Variants in IRS1 observed in about 807,000 individuals in gnomAD.
IRS1 encodes the protein insulin receptor substrate 1.
A neutral mutation model predicts 65.6 loss-of-function variants in IRS1; 34 were observed. The observed-to-expected ratio is 0.52, with a 90% confidence interval of 0.39 to 0.69. IRS1 has a LOEUF of 0.69. Ranked by LOEUF, IRS1 falls within the 30% of genes least tolerant of loss-of-function variation. The pLI is 0.00. For missense variants in IRS1, 1,641 were observed against 1,720.2 expected (o/e 0.95, Z 0.81); for synonymous variants, 699 against 683.5 (o/e 1.02, Z -0.35).
chr2:226,786,909 G>T (rs1939499664), intron 1 of IRS1, among the ~76,000 whole-genome samples: 2 of 151,848 alleles, frequency 1.3e-5, no homozygotes. Context: ...TATACTTGCA[G>T]CCAGAAGCAA....
rs1383492941 is a variant in IRS1 at position 226,734,271 on chromosome 2, G to A, written c.*2001C>T. 6.6e-6 allele frequency: 1 copy of A among 152,160 alleles called. No individual in the cohort carries two copies. The highest frequency in any genetic ancestry group is 1.5e-5 in the Non-Finnish European group (1 of 68,024). The allele number at this position is 152,160 out of a possible 1,614,324, so 9.4% of individuals were successfully genotyped here. A position where few individuals can be genotyped will look rare whatever the true frequency, so the allele number is the denominator to read the frequency against. On this transcript the variant is annotated 3_prime_UTR_variant, in exon 2 of 2. Transcript: ENST00000305123. ...AATGGGTAGTGCTCTCTACTAATAG[G>A]AAATGATGTAATTCTGCAAGTTCCT... is the stretch of plus-strand genomic sequence containing the variant.
At position 226,798,393 on chromosome 2, in the gene IRS1, G is replaced by C. The variant is rs910703300; in HGVS notation, c.346C>G (p.Arg116Gly). 1.9e-6 allele frequency: 3 copies of C among 1,613,892 alleles called. No homozygotes were observed. Among genetic ancestry groups the C allele is most frequent in the Non-Finnish European group, 1.7e-6 (2 of 1,180,016 alleles). ...WYQALLQLHNRAKGHHDGAAA... is the reference protein window; with the variant it reads ...WYQALLQLHNGAKGHHDGAAA... Reference sequence around the variant, plus strand: ...GCTCCGTCGTGGTGGCCCTTAGCACGGTTGTGCAGCTGTAGGAGAGCCTGG... The same window carrying C: ...GCTCCGTCGTGGTGGCCCTTAGCACCGTTGTGCAGCTGTAGGAGAGCCTGG... The change falls in exon 1 of 2, where the codon CGT (arginine) becomes GGT (glycine). Residue 116 changes from arginine (R) to glycine (G), a missense_variant. Arg to Gly is a moderately radical substitution (Grantham distance 125, BLOSUM62 -2). Coordinates refer to ENST00000305123, the MANE Select transcript of IRS1 (RefSeq NM_005544.3). The surrounding 1 kb of genome is among the most constrained non-coding windows in gnomAD (Gnocchi z 9.4).
At chr2:226,757,618 G>A (rs566191662) in intron 1 of IRS1, among the ~76,000 whole-genome samples, 1 of 152,220 alleles carries the variant, frequency 6.6e-6, no homozygotes, top group African/African-American at 2.4e-5. Context: ...TCTCCCTCCT[G>A]ACATCTCTCA....
chr2:226,735,581 A>G lies in IRS1; in HGVS notation c.*691T>C, dbSNP rs916788438. 6.6e-6 allele frequency: 1 copy of G among 152,580 alleles called. No individual in the cohort carries two copies. The highest frequency in any genetic ancestry group is 1.5e-5 in the Non-Finnish European group (1 of 68,030). 9.5% of individuals were successfully genotyped at this position (152,580 alleles called of 1,614,324 possible). A position where few individuals can be genotyped will look rare whatever the true frequency, so the allele number is the denominator to read the frequency against. On this transcript the variant is annotated 3_prime_UTR_variant, in exon 2 of 2. Coordinates refer to ENST00000305123, the MANE Select transcript of IRS1 (RefSeq NM_005544.3). ...TAGTATCAGCAAATATAACTATACA[A>G]TTGAGAACCATCTATGGCACTATGA...
At chr2:226,764,156 A>T (rs902451451) in intron 1 of IRS1, among the ~76,000 whole-genome samples, 1 of 151,798 alleles carries the variant, frequency 6.6e-6, no homozygotes, top group African/African-American at 2.4e-5. Context: ...CCTAAATAAT[A>T]TTTCCTTTTG....
chr2:226,795,859 G>T lies in IRS1; in HGVS notation c.2880C>A (p.Val960=), dbSNP rs141976450. The T allele has an allele frequency of 5.1e-5, 82 of 1,613,490 alleles. No individual in the cohort carries two copies. The African/African-American group carries it at 1.0e-3, about 20-fold the overall frequency. ...GTGCAGGGCCCAGTCTGCCCATCTC[G>T]ACCCCAGTGCTCTCCTGCCAGGCTG... is the stretch of plus-strand genomic sequence containing the variant. ...RRAAWQESTG[V]EMGRLGPAPP... The change falls in exon 1 of 2, where the codon GTC becomes GTA. Residue 960 remains valine (V), a synonymous_variant. Transcript: ENST00000305123.
intron 1 of IRS1, among the ~76,000 whole-genome samples, chr2:226,783,250 G>A (rs1252703259): frequency 6.6e-6 from 1 of 152,100 alleles, no homozygotes; most frequent in Non-Finnish European, 1.5e-5. Context: ...ATCTGCACTT[G>A]GCCCACAAAG....
At chr2:226,738,056 G>T (rs1354717093) in intron 1 of IRS1, among the ~76,000 whole-genome samples, 1 of 152,134 alleles carries the variant, frequency 6.6e-6, no homozygotes, top group Non-Finnish European at 1.5e-5. Context: ...GTAGCTTGAG[G>T]TAGATGGTGA....
chr2:226,752,078 C>A (rs912043984), intron 1 of IRS1, among the ~76,000 whole-genome samples: 1 of 152,132 alleles, frequency 6.6e-6, no homozygotes, highest in Non-Finnish European at 1.5e-5. Flanking sequence ...GACATGCTTG[C>A]TCCCATTTTC....
At chr2:226,775,564 G>A (rs145827072) in intron 1 of IRS1, among the ~76,000 whole-genome samples, 1,743 of 152,304 alleles carry the variant, frequency 0.011, 20 homozygotes, top group Middle Eastern at 0.031. Context: ...ATACGTATGG[G>A]TTAGTACACA....
chr2:226,758,967 G>T (rs1479156942), intron 1 of IRS1, among the ~76,000 whole-genome samples: 6 of 152,142 alleles, frequency 3.9e-5, no homozygotes, highest in Non-Finnish European at 5.9e-5. Context: ...AAATTATTTT[G>T]CCCAGTAACT....
rs1311224200 is a variant in IRS1 at position 226,799,404 on chromosome 2, G to C, written c.-666C>G. 3.2e-6 allele frequency: 4 copies of C among 1,263,382 alleles called. No homozygotes were observed. Among genetic ancestry groups the C allele is most frequent in the Middle Eastern group, 6.4e-4 (2 of 3,132 alleles). The allele number at this position is 1,263,382 out of a possible 1,614,324, so 78.3% of individuals were successfully genotyped here. ...GCTGCTGCTGCTGCCGCCGCCCGCG[G>C]GCGCGTCCTCTGCAGCCCCCATCCG... On this transcript the variant is annotated 5_prime_UTR_variant, in exon 1 of 2. Coordinates refer to ENST00000305123, the MANE Select transcript of IRS1 (RefSeq NM_005544.3). The surrounding 1 kb of genome is among the most constrained non-coding windows in gnomAD (Gnocchi z 6.1).
rs1157587164 is a variant in IRS1, at chr2:226,797,701, A to G, written c.1038T>C (p.Pro346=). 2.5e-6 allele frequency: 4 copies of G among 1,597,536 alleles called. No homozygotes were observed. In the African/African-American group the frequency reaches 5.3e-5, roughly 21 times the overall value. The change falls in exon 1 of 2, where the codon CCT becomes CCC. Residue 346 remains proline, a synonymous_variant. Transcript: ENST00000305123. This position sits in a 1 kb window ranked among gnomAD's most constrained non-coding sequence, Gnocchi z 8.1. ...MSRPASVDGS[P]VSPSTNRTHA... is the part of the protein sequence containing the mutation. ...GGGTTCTGTTGGTGCTGGGACTCAC[A>G]GGGCTGCCGTCCACCGAGGCTGGGC...
rs1389086923 is a variant in IRS1, at chr2:226,796,997, G to A, written c.1742C>T (p.Ser581Phe). ...CATTTCCAGACCCTCCTCTGGGTAG[G>A]AGCGGGTGGGCACGAAGGCGGAGTG... Reference protein sequence around the residue: ...HRHSAFVPTRSYPEEGLEMHP... With the variant: ...HRHSAFVPTRFYPEEGLEMHP... The change falls in exon 1 of 2, where the codon TCC becomes TTC. Residue 581 changes from serine to phenylalanine, a missense_variant. Physicochemically the swap from Ser to Phe is radical, Grantham distance 155. Transcript: ENST00000305123. 6 of 1,597,716 alleles carry A rather than the reference G, an allele frequency of 3.8e-6. No homozygotes were observed. Among genetic ancestry groups the A allele is most frequent in the Admixed American group, 3.4e-5 (2 of 59,424 alleles).
intron 1 of IRS1, among the ~76,000 whole-genome samples, chr2:226,768,887 G>A (rs950168997): frequency 2.6e-5 from 4 of 152,022 alleles, no homozygotes; most frequent in African/African-American, 4.8e-5. Flanking sequence ...TGCCTGCCTC[G>A]GCCTCCCAAA....
At chr2:226,769,568 G>A (rs1939124644) in intron 1 of IRS1, among the ~76,000 whole-genome samples, 1 of 152,174 alleles carries the variant, frequency 6.6e-6, no homozygotes. Context: ...TTAGGTTTCC[G>A]ACGCGTTTCA....
chr2:226,781,209 C>T (rs1939374927), intron 1 of IRS1, among the ~76,000 whole-genome samples: 2 of 152,310 alleles, frequency 1.3e-5, no homozygotes, highest in East Asian at 3.9e-4. Context: ...CATTTAAAGG[C>T]ATTGATTTTA....
At chr2:226,790,051 G>A (rs967091163) in intron 1 of IRS1, among the ~76,000 whole-genome samples, 1 of 152,136 alleles carries the variant, frequency 6.6e-6, no homozygotes, top group Non-Finnish European at 1.5e-5. Flanking sequence ...CAGCTTCTTC[G>A]GAAAGAATCC....
Position 226,796,938 on chromosome 2 carries a change from G to A in IRS1, c.1801C>T (p.Pro601Ser). ...PLERRGGHHRPDSSTLHTDDG... is the reference protein window; with the variant it reads ...PLERRGGHHRSDSSTLHTDDG... ...TCCGTGTGGAGGGTGGAGCTGTCTGGGCGGTGGTGCCCCCCCCGACGCTCC... is the reference window on the plus strand; with the variant it reads ...TCCGTGTGGAGGGTGGAGCTGTCTGAGCGGTGGTGCCCCCCCCGACGCTCC... Residue 601 changes from proline (P) to serine (S), a missense_variant, in exon 1 of 2, where the codon CCA becomes TCA. Physicochemically the swap from Pro to Ser is moderately conservative, Grantham distance 74 (BLOSUM62 -1). Around this residue, in one of 3 missense-constraint regions of IRS1, gnomAD observed 1,324 missense variants for 1,361.0 expected, o/e 0.97. Transcript: ENST00000305123. 1.3e-6 allele frequency: 2 copies of A among 1,556,838 alleles called. No individual in the cohort carries two copies. The highest frequency in any genetic ancestry group is 1.2e-5 in the South Asian group (1 of 81,234).
Sources: allele counts gnomAD v4.1 joint callset (sites outside exome capture counted in the v4.1 genomes callset), GRCh38; gene constraint gnomAD v4.1.1; regional missense constraint gnomAD v4.1.1; non-coding constraint Gnocchi (gnomAD v3.1); transcripts MANE v1.5; gene names NCBI Gene and HGNC (gene_info 2026-07-23, HGNC 2026-07-21).